The following DGKB variants were observed in gnomAD, a reference collection of about 807,000 sequenced individuals.
The protein encoded by DGKB is diacylglycerol kinase beta, also known as 90 kDa diacylglycerol kinase.
DGKB carries 67 observed loss-of-function variants against 114.3 expected under a neutral mutation model. That is an observed-to-expected ratio of 0.59 (90% CI 0.48 to 0.72). The LOEUF (loss-of-function observed/expected upper bound fraction) is 0.72. Among genes scored for constraint, DGKB ranks in the 30% least tolerant of loss-of-function variants. DGKB has a pLI of 0.00. For missense variants in DGKB, 907 were observed against 975.2 expected, an observed-to-expected ratio of 0.93 and a Z score of 0.93; for synonymous variants, 398 against 323.1, an observed-to-expected ratio of 1.23 and a Z score of -2.49.
At chr7:14,473,373 G>A (rs190731830) in intron 21 of DGKB, among the ~76,000 whole-genome samples, 1 of 152,250 alleles carries the variant, frequency 6.6e-6, no homozygotes, top group Non-Finnish European at 1.5e-5. Context: ...GTAAAGAACT[G>A]GGGTTTGAGA....
intron 23 of DGKB, among the ~76,000 whole-genome samples, chr7:14,265,726 C>T (rs774548525): frequency 1.3e-5 from 2 of 152,018 alleles, no homozygotes; most frequent in African/African-American, 4.8e-5. Flanking sequence ...TTTCAATATA[C>T]CCTCATGGTT....
chr7:14,387,590 T>C (rs1234740563), intron 21 of DGKB, among the ~76,000 whole-genome samples: 1 of 152,002 alleles, frequency 6.6e-6, no homozygotes, highest in Non-Finnish European at 1.5e-5. Context: ...TTGTTTTGTT[T>C]GTTTTCTGTA....
intron 21 of DGKB, among the ~76,000 whole-genome samples, chr7:14,431,598 C>T (rs1371560528): frequency 6.6e-6 from 1 of 152,066 alleles, no homozygotes; most frequent in Non-Finnish European, 1.5e-5. Flanking sequence ...AAAGGCAATA[C>T]TCTAGGTGCC....
At chr7:14,446,793 C>T (rs761234920) in intron 21 of DGKB, among the ~76,000 whole-genome samples, 1 of 152,080 alleles carries the variant, frequency 6.6e-6, no homozygotes, top group Non-Finnish European at 1.5e-5. Context: ...CTCATTAATG[C>T]CATGCTCTAA....
At chr7:14,730,313 T>C (rs1316514653) in intron 5 of DGKB, among the ~76,000 whole-genome samples, 1 of 152,190 alleles carries the variant, frequency 6.6e-6, no homozygotes. Context: ...ACAGGGATGC[T>C]ACAAGGGACA....
intron 1 of DGKB, among the ~76,000 whole-genome samples, chr7:14,917,269 ATAGAAGT>A (rs1784290231): frequency 6.6e-6 from 1 of 152,086 alleles, no homozygotes; most frequent in South Asian, 2.1e-4. Flanking sequence ...AGATAAAAAA[ATAGAAGT>A]TAGAGCAGAG....
At chr7:14,335,312 T>C (rs191389556) in intron 23 of DGKB, among the ~76,000 whole-genome samples, 11 of 152,232 alleles carry the variant, frequency 7.2e-5, no homozygotes, top group Admixed American at 7.2e-4. Flanking sequence ...AAGGGTAAAC[T>C]TAAAACAAAT....
chr7:14,216,609 C>G (rs1159609264), intron 23 of DGKB, among the ~76,000 whole-genome samples: 1 of 151,278 alleles, frequency 6.6e-6, no homozygotes, highest in Non-Finnish European at 1.5e-5. Context: ...GCCTGTAATC[C>G]CAGCTACCCG....
intron 21 of DGKB, among the ~76,000 whole-genome samples, chr7:14,458,022 T>C (rs2128861125): frequency 6.6e-6 from 1 of 152,336 alleles, no homozygotes; most frequent in Non-Finnish European, 1.5e-5. Flanking sequence ...GCTAGCGCCC[T>C]CTGCTGGTTA....
At chr7:14,835,078 T>C (rs1422954120) in intron 2 of DGKB, among the ~76,000 whole-genome samples, 2 of 151,982 alleles carry the variant, frequency 1.3e-5, no homozygotes, top group Non-Finnish European at 2.9e-5. Context: ...TCTAGAAATA[T>C]AATCTGGGTC....
intron 21 of DGKB, among the ~76,000 whole-genome samples, chr7:14,393,426 TA>T (rs972530324): frequency 1.3e-5 from 2 of 152,264 alleles, no homozygotes; most frequent in East Asian, 3.9e-4. Context: ...CCATATGATT[TA>T]AAAAAGCACT....
intron 1 of DGKB, among the ~76,000 whole-genome samples, chr7:14,952,561 G>A (rs926418567): frequency 1.3e-5 from 2 of 150,988 alleles, no homozygotes; most frequent in African/African-American, 4.9e-5. Context: ...AAAAAATACA[G>A]CCTGAGCAAC....
chr7:14,492,100 T>C lies in DGKB; in HGVS notation c.1771-13875A>G, dbSNP rs1039496624. Among the ~76,000 whole-genome samples the C allele has an allele frequency of 5.3e-5, 8 of 152,118 alleles. No homozygotes were observed. In the East Asian group the frequency reaches 1.5e-3, roughly 29 times the overall value. Reference sequence around the variant, plus strand: ...AGAGATAAAAGTGTTTTGTTTATAATGTAATATAAAAATTAAAATCTATTG... The same window carrying C: ...AGAGATAAAAGTGTTTTGTTTATAACGTAATATAAAAATTAAAATCTATTG... On this transcript the variant is annotated intron_variant, in intron 20 of 25. Transcript: ENST00000402815.
At chr7:14,426,741 C>T (rs1827615277) in intron 21 of DGKB, among the ~76,000 whole-genome samples, 1 of 152,052 alleles carries the variant, frequency 6.6e-6, no homozygotes, top group African/African-American at 2.4e-5. Context: ...CTTAGTTCCA[C>T]TGACTCTGTA....
intron 5 of DGKB, among the ~76,000 whole-genome samples, chr7:14,723,264 T>C (rs989668862): frequency 1.3e-5 from 2 of 152,292 alleles, no homozygotes; most frequent in African/African-American, 2.4e-5. Context: ...AGATCCTTTC[T>C]AGCAGCAATA....
At chr7:14,276,333 T>G (rs1166059430) in intron 23 of DGKB, among the ~76,000 whole-genome samples, 1 of 152,228 alleles carries the variant, frequency 6.6e-6, no homozygotes, top group Non-Finnish European at 1.5e-5. Flanking sequence ...TTAATATTTC[T>G]TGCTATTGTA....
At chr7:14,652,191 A>C (rs1200679414) in intron 13 of DGKB, among the ~76,000 whole-genome samples, 2 of 150,458 alleles carry the variant, frequency 1.3e-5, no homozygotes, top group Non-Finnish European at 3.0e-5. Context: ...CACATCACCA[A>C]GTCAATCCTA....
intron 20 of DGKB, among the ~76,000 whole-genome samples, chr7:14,498,159 A>C (rs1036907537): frequency 3.3e-5 from 5 of 151,904 alleles, no homozygotes; most frequent in African/African-American, 9.7e-5. Flanking sequence ...TTGTGAAAAC[A>C]ATCTTTTAAA....
chr7:14,557,286 A>G lies in DGKB; in HGVS notation c.1770+16926T>C, dbSNP rs149490194. Among the ~76,000 whole-genome samples the G allele has an allele frequency of 3.5e-3, 539 of 152,340 alleles. 1 individual carries two copies. Among genetic ancestry groups the G allele is most frequent in the Middle Eastern group, 0.034 (10 of 294 alleles). On this transcript the variant is annotated intron_variant, in intron 20 of 25. Coordinates refer to ENST00000402815, the MANE Select transcript of DGKB (RefSeq NM_001350709.2). ...TTCTTCTATATAAAAAATTATTGCCATATAAACACAGATGATATACTTATT... is the reference window on the plus strand; with the variant it reads ...TTCTTCTATATAAAAAATTATTGCCGTATAAACACAGATGATATACTTATT...
Sources: gnomAD v4.1 joint callset for allele counts (sites outside exome capture counted in the v4.1 genomes callset) on GRCh38, gnomAD v4.1.1 for gene constraint, MANE v1.5 for transcripts, NCBI Gene and HGNC (gene_info 2026-07-23, HGNC 2026-07-21) for gene names.